The following PDLIM5 variants were observed in gnomAD, a reference collection of about 807,000 sequenced individuals.
PDLIM5 encodes PDZ and LIM domain 5.
PDLIM5 carries 34 observed loss-of-function variants against 64.2 expected under a neutral mutation model. The observed-to-expected ratio is 0.53, with a 90% CI of 0.40 to 0.71. PDLIM5 has a LOEUF of 0.71. Ranked by LOEUF, PDLIM5 falls within the 30% of genes least tolerant of loss-of-function variation. The probability of loss-of-function intolerance (pLI) is 0.00; values close to 1 mark genes in which losing one functional copy is unlikely to be tolerated. For synonymous variants in PDLIM5, 253 were observed against 269.1 expected (o/e 0.94, Z 0.59); for missense variants, 683 against 733.6 (o/e 0.93, Z 0.80).
chr4:94,462,938 G>A (rs1724033062), intron 2 of PDLIM5, among the ~76,000 whole-genome samples: 1 of 152,146 alleles, frequency 6.6e-6, no homozygotes, highest in South Asian at 2.1e-4. Context: ...CATTTTGCAA[G>A]ATAATCTAGG....
At chr4:94,503,604 G>A (rs1728123198) in intron 2 of PDLIM5, among the ~76,000 whole-genome samples, 1 of 152,008 alleles carries the variant, frequency 6.6e-6, no homozygotes, top group Non-Finnish European at 1.5e-5. Flanking sequence ...CTGTCACTTG[G>A]CCACCAGAAG....
chr4:94,545,564 A>G (rs1047859736), intron 3 of PDLIM5, among the ~76,000 whole-genome samples: 3 of 152,224 alleles, frequency 2.0e-5, no homozygotes, highest in African/African-American at 7.2e-5. Context: ...TGTGGCTGAT[A>G]GCCCCTTCCT....
intron 7 of PDLIM5, among the ~76,000 whole-genome samples, chr4:94,606,553 A>T (rs1237260650): frequency 6.6e-6 from 1 of 152,064 alleles, no homozygotes; most frequent in Non-Finnish European, 1.5e-5. Context: ...AGCAAGCCAA[A>T]GAGAGTGGAC....
intron 10 of PDLIM5, among the ~76,000 whole-genome samples, chr4:94,656,553 A>T (rs1439463967): frequency 6.7e-6 from 1 of 149,488 alleles, no homozygotes; most frequent in Non-Finnish European, 1.5e-5. Context: ...ATTATATTTT[A>T]TTACATTATA....
chr4:94,643,293 G>A (rs1406698300), intron 9 of PDLIM5, among the ~76,000 whole-genome samples: 2 of 152,106 alleles, frequency 1.3e-5, no homozygotes, highest in African/African-American at 4.8e-5. Context: ...CGAATGAATA[G>A]GAAGTTACAT....
chr4:94,622,332 T>C (rs1739302556), intron 8 of PDLIM5, among the ~76,000 whole-genome samples: 2 of 152,228 alleles, frequency 1.3e-5, no homozygotes, highest in Admixed American at 6.5e-5. Context: ...GATACAAATG[T>C]ATGTATAAAA....
chr4:94,657,338 C>A, intron 10 of PDLIM5, 89 bp from the exon 11 acceptor site: 1 of 917,356 alleles, frequency 1.1e-6, no homozygotes, highest in Non-Finnish European at 1.7e-6. Flanking sequence ...ATTAGCTCTA[C>A]AGGGATTTAC....
chr4:94,468,584 C>T (rs569944924), intron 2 of PDLIM5, among the ~76,000 whole-genome samples: 1 of 152,194 alleles, frequency 6.6e-6, no homozygotes, highest in African/African-American at 2.4e-5. Context: ...TTAGGAGAGC[C>T]TAAGAGAAGC....
chr4:94,498,367 C>T (rs751338684), intron 2 of PDLIM5, among the ~76,000 whole-genome samples: 3 of 152,166 alleles, frequency 2.0e-5, no homozygotes, highest in Non-Finnish European at 2.9e-5. Flanking sequence ...TCACAGTTCA[C>T]GACTTTCACA....
intron 7 of PDLIM5, among the ~76,000 whole-genome samples, chr4:94,605,542 T>A (rs1737842807): frequency 6.6e-6 from 1 of 152,154 alleles, no homozygotes; most frequent in African/African-American, 2.4e-5. Flanking sequence ...CAGAGCTTCC[T>A]CCAACCTAAA....
chr4:94,664,529 G>A lies in PDLIM5; in HGVS notation c.*462G>A, dbSNP rs1355502715. ...ATACTTATCTTTAAAATAGTAAATA[G>A]GATTTTAAACAGAGAATTTTATCAG... is the stretch of plus-strand genomic sequence containing the variant. On this transcript the variant is annotated 3_prime_UTR_variant, in exon 13 of 13. Transcript: ENST00000317968. The A allele has an allele frequency of 1.3e-6, 1 of 763,070 alleles. No individual in the cohort carries two copies. Among genetic ancestry groups the A allele is most frequent in the Non-Finnish European group, 1.6e-6 (1 of 627,568 alleles). The allele number at this position is 763,070 out of a possible 1,614,324, so 47.3% of individuals were successfully genotyped here.
chr4:94,596,347 G>T (rs1026578118), intron 7 of PDLIM5, among the ~76,000 whole-genome samples: 5 of 152,040 alleles, frequency 3.3e-5, no homozygotes, highest in African/African-American at 1.2e-4. Flanking sequence ...TATTCACCAC[G>T]TTCCTTAGAG....
intron 1 of PDLIM5, among the ~76,000 whole-genome samples, chr4:94,454,283 C>T (rs1289960933): frequency 6.6e-6 from 1 of 150,458 alleles, no homozygotes; most frequent in African/African-American, 2.4e-5. Context: ...AAACTTCATT[C>T]CTCTGTCTCC....
intron 2 of PDLIM5, among the ~76,000 whole-genome samples, chr4:94,465,195 T>G (rs1041861943): frequency 1.3e-5 from 2 of 152,168 alleles, no homozygotes; most frequent in African/African-American, 4.8e-5. Flanking sequence ...GGAACATTCA[T>G]GTATCCTTTG....
chr4:94,653,870 T>C, intron 9 of PDLIM5, among the ~76,000 whole-genome samples: 1 of 152,208 alleles, frequency 6.6e-6, no homozygotes, highest in East Asian at 1.9e-4. Flanking sequence ...ATACCTAGTT[T>C]ACAGTTCCTG....
intron 2 of PDLIM5, chr4:94,456,570 G>C: frequency 2.8e-6 from 2 of 707,114 alleles, no homozygotes; most frequent in East Asian, 2.7e-5. Context: ...ATATAAGGAG[G>C]TATGTGTGTT....
chr4:94,558,832 G>A (rs1733596197), intron 3 of PDLIM5, among the ~76,000 whole-genome samples: 1 of 151,848 alleles, frequency 6.6e-6, no homozygotes, highest in Admixed American at 6.6e-5. Flanking sequence ...TGCAGGGAGG[G>A]GGGTTAGTAA....
At chr4:94,529,780 C>T (rs922893433) in intron 3 of PDLIM5, among the ~76,000 whole-genome samples, 1 of 151,846 alleles carries the variant, frequency 6.6e-6, no homozygotes, top group African/African-American at 2.4e-5. Flanking sequence ...TTTTCCTGGC[C>T]GTGAAACTAA....
At position 94,664,053 on chromosome 4, in the gene PDLIM5, T is replaced by G; in HGVS notation, c.1777T>G (p.Ser593Ala). 6.2e-7 allele frequency: 1 copy of G among 1,602,956 alleles called. No homozygotes were observed. Among genetic ancestry groups the G allele is most frequent in the Non-Finnish European group, 8.5e-7 (1 of 1,173,390 alleles). ...GCCCCTGTGTAAGAAACATGCTCATTCTGTGAATTTTTGAAAGTCAACAGT... is the reference window on the plus strand; with the variant it reads ...GCCCCTGTGTAAGAAACATGCTCATGCTGTGAATTTTTGAAAGTCAACAGT... ...DKPLCKKHAH[S>A]VNF is the part of the protein sequence containing the mutation. The change falls in exon 13 of 13, where the codon TCT (serine) becomes GCT (alanine). Residue 593 changes from serine (S) to alanine (A), a missense_variant. By Grantham distance (99) the Ser-to-Ala change is moderately conservative. Coordinates refer to ENST00000317968, the MANE Select transcript of PDLIM5 (RefSeq NM_006457.5).
Sources: gnomAD v4.1 joint callset for allele counts (sites outside exome capture counted in the v4.1 genomes callset) on GRCh38, gnomAD v4.1.1 for gene constraint, MANE v1.5 for transcripts, NCBI Gene and HGNC (gene_info 2026-07-23, HGNC 2026-07-21) for gene names.